Variants in WWC1 observed in about 807,000 individuals in gnomAD.
WWC1 encodes the protein WW and C2 domain containing 1, also known as protein KIBRA.
A neutral mutation model predicts 138.4 loss-of-function variants in WWC1; 55 were observed. The ratio of observed to expected loss-of-function variants is 0.40; its 90% CI spans 0.32 to 0.50. WWC1 has a LOEUF of 0.50. WWC1 is among the 20% of genes least tolerant of loss of function. WWC1 has a pLI of 0.72. For synonymous variants in WWC1, 524 were observed against 564.9 expected (o/e 0.93, Z 1.03); for missense variants, 1,226 against 1,420.4 (o/e 0.86, Z 2.20).
intron 6 of WWC1, among the ~76,000 whole-genome samples, chr5:168,407,894 G>A (rs544093611): frequency 2.6e-5 from 4 of 151,188 alleles, no homozygotes; most frequent in Admixed American, 6.6e-5. Context: ...CCAGGGTCTC[G>A]CTCTATCACC....
Position 168,465,107 on chromosome 5 carries a change from C to T in WWC1, c.3150+145C>T, listed in dbSNP as rs536187446. 3,516 of 1,282,768 alleles carry T rather than the reference C, an allele frequency of 2.7e-3. 7 individuals carry two copies. Among genetic ancestry groups the T allele is most frequent in the Non-Finnish European group, 3.4e-3 (3,212 of 956,798 alleles). The allele number at this position is 1,282,768 out of a possible 1,614,324, so 79.5% of individuals were successfully genotyped here. ...CACTGAGGGTGTTCCACCCATCCCT[C>T]GTTCCCATCAGGAGAGGGATCCAGG... On this transcript the variant is annotated intron_variant, in intron 21 of 22. Transcript: ENST00000265293.
chr5:168,344,478 G>A (rs1435566305), intron 1 of WWC1, among the ~76,000 whole-genome samples: 2 of 152,178 alleles, frequency 1.3e-5, no homozygotes, highest in East Asian at 1.9e-4. Context: ...ATTGTCCTGT[G>A]GGTCAAGATG....
rs754823439 is a variant in WWC1 at position 168,399,493 on chromosome 5, C to G, written c.516C>G (p.Asn172Lys). 1 of 1,614,142 alleles carries G rather than the reference C, an allele frequency of 6.2e-7. No individual in the cohort carries two copies. The highest frequency in any genetic ancestry group is 1.1e-5 in the South Asian group (1 of 91,064). The change falls in exon 5 of 23, where the codon AAC becomes AAG. Residue 172 changes from asparagine (N) to lysine (K), a missense_variant. Around this residue, in one of 3 missense-constraint regions of WWC1, gnomAD observed 1,016 missense variants for 1,153.9 expected, o/e 0.88. Coordinates refer to ENST00000265293, the MANE Select transcript of WWC1 (RefSeq NM_015238.3). ...AEIATAKSRV[N>K]KLKREMVHLQ... ...TGTGGTCTGCTGCCCTCCAGGTCAA[C>G]AAGCTGAAGAGAGAGATGGTTCACC...
At chr5:168,361,165 G>A (rs1775851909) in intron 1 of WWC1, among the ~76,000 whole-genome samples, 1 of 152,190 alleles carries the variant, frequency 6.6e-6, no homozygotes, top group South Asian at 2.1e-4. Context: ...CTCAGACCTG[G>A]GGGAAGGAAT....
chr5:168,447,103 C>T (rs1012619981), intron 17 of WWC1, among the ~76,000 whole-genome samples: 19 of 152,136 alleles, frequency 1.2e-4, no homozygotes, highest in Non-Finnish European at 1.9e-4. Context: ...TGTAAACTTC[C>T]GTCTCCTCGT....
chr5:168,358,332 G>C, intron 1 of WWC1, among the ~76,000 whole-genome samples: 1 of 152,216 alleles, frequency 6.6e-6, no homozygotes, highest in East Asian at 1.9e-4. Flanking sequence ...TGGGCAAGGA[G>C]AGCTCGGTGA....
At chr5:168,444,704 C>A in intron 17 of WWC1, 119 bp downstream of exon 17, 1 of 1,044,714 alleles carries the variant, frequency 9.6e-7, no homozygotes, top group Non-Finnish European at 1.4e-6. Context: ...CTGAGAACCC[C>A]TCTCCTCATG....
At chr5:168,323,217 A>G (rs1772261748) in intron 1 of WWC1, among the ~76,000 whole-genome samples, 1 of 152,176 alleles carries the variant, frequency 6.6e-6, no homozygotes, top group Non-Finnish European at 1.5e-5. Context: ...AAAAAAAAAT[A>G]AAGACTAGTG....
chr5:168,395,642 GA>G, intron 3 of WWC1, among the ~76,000 whole-genome samples: 1 of 152,316 alleles, frequency 6.6e-6, no homozygotes, highest in Non-Finnish European at 1.5e-5. Context: ...ACCAGGAGAT[GA>G]AAACTTTAAA....
intron 2 of WWC1, among the ~76,000 whole-genome samples, chr5:168,372,041 GAA>G (rs374411670): frequency 4.5e-5 from 6 of 134,360 alleles, no homozygotes; most frequent in Non-Finnish European, 6.5e-5. Context: ...GAGAGAGAGA[GAA>G]AGAGTGTGTT....
chr5:168,398,763 G>C (rs1405937150), intron 4 of WWC1, among the ~76,000 whole-genome samples: 1 of 152,180 alleles, frequency 6.6e-6, no homozygotes, highest in Non-Finnish European at 1.5e-5. Context: ...GCAGTAGAGA[G>C]TTGTGGTGAC....
At chr5:168,371,368 T>G in intron 1 of WWC1, 56 bp from the exon 2 acceptor site, 2 of 1,339,084 alleles carry the variant, frequency 1.5e-6, no homozygotes. Flanking sequence ...AGCAGCAGGT[T>G]GCAGGCATTT....
At chr5:168,339,775 G>A (rs1307981845) in intron 1 of WWC1, among the ~76,000 whole-genome samples, 2 of 147,530 alleles carry the variant, frequency 1.4e-5, no homozygotes, top group African/African-American at 2.6e-5. Flanking sequence ...CCCTCACAAC[G>A]AGACTATGAG....
chr5:168,458,053 T>A (rs1410258201), intron 19 of WWC1, among the ~76,000 whole-genome samples: 1 of 152,222 alleles, frequency 6.6e-6, no homozygotes, highest in Non-Finnish European at 1.5e-5. Context: ...GTTCTGCTAC[T>A]TTCAGCTTCA....
chr5:168,351,313 A>G (rs934156803), intron 1 of WWC1, among the ~76,000 whole-genome samples: 1 of 152,164 alleles, frequency 6.6e-6, no homozygotes, highest in African/African-American at 2.4e-5. Context: ...GCTGAAGGGT[A>G]ATTGAAAAGG....
At chr5:168,463,053 T>C (rs1396254709) in intron 20 of WWC1, among the ~76,000 whole-genome samples, 2 of 152,246 alleles carry the variant, frequency 1.3e-5, no homozygotes, top group South Asian at 2.1e-4. Context: ...CTAGGTCTTA[T>C]GGTAATGCTT....
At position 168,423,989 on chromosome 5, in the gene WWC1, T is replaced by G; in HGVS notation, c.1731T>G (p.Cys577Trp). 2 of 1,614,034 alleles carry G rather than the reference T, an allele frequency of 1.2e-6. No homozygotes were observed. The highest frequency in any genetic ancestry group is 1.7e-6 in the Non-Finnish European group (2 of 1,180,004). The change falls in exon 11 of 23, where the codon TGT becomes TGG. Residue 577 changes from cysteine (C) to tryptophan (W), a missense_variant. Around this residue, in one of 3 missense-constraint regions of WWC1, gnomAD observed 1,016 missense variants for 1,153.9 expected, o/e 0.88. Transcript: ENST00000265293. ...ACCCGGAGCTGAGTGCCACTCTTTG[T>G]GAACTGAGCCTTGGTAACAGCGCCC... ...FEDPELSATL[C>W]ELSLGNSAQE...
chr5:168,385,430 T>C lies in WWC1; in HGVS notation c.433+16T>C. The C allele has an allele frequency of 6.2e-7, 1 of 1,611,392 alleles. No individual in the cohort carries two copies. Among genetic ancestry groups the C allele is most frequent in the East Asian group, 2.2e-5 (1 of 44,852 alleles). On this transcript the variant is annotated intron_variant, in intron 3 of 22. Transcript: ENST00000265293. ...CAGGTCAGCTGTGAGTACCTCCCACTACCACCACCCCCACCGACACCAACA... is the reference window on the plus strand; with the variant it reads ...CAGGTCAGCTGTGAGTACCTCCCACCACCACCACCCCCACCGACACCAACA...
chr5:168,381,503 A>G (rs552815936), intron 2 of WWC1, among the ~76,000 whole-genome samples: 160 of 152,292 alleles, frequency 1.1e-3, no homozygotes, highest in Non-Finnish European at 1.8e-3. Context: ...TGGGTGGCAC[A>G]CTGGAATTAT....
Sources: allele counts gnomAD v4.1 joint callset (sites outside exome capture counted in the v4.1 genomes callset), GRCh38; gene constraint gnomAD v4.1.1; regional missense constraint gnomAD v4.1.1; transcripts MANE v1.5; gene names NCBI Gene and HGNC (gene_info 2026-07-23, HGNC 2026-07-21).